The following ATP5MC1 variants were observed in gnomAD, a reference collection of about 807,000 sequenced individuals.
The protein encoded by ATP5MC1 is ATP synthase F(0) complex subunit C1, mitochondrial.
A neutral mutation model predicts 12.1 loss-of-function variants in ATP5MC1; 4 were observed. The ratio of observed to expected loss-of-function variants is 0.33; its 90% CI spans 0.16 to 0.76. The LOEUF is 0.76. ATP5MC1 is among the 30% of genes least tolerant of loss of function. The pLI is 0.61. For missense variants in ATP5MC1, 117 were observed against 172.1 expected, an observed-to-expected ratio of 0.68 and a Z score of 1.79; for synonymous variants, 52 against 66.0, an observed-to-expected ratio of 0.79 and a Z score of 1.03.
chr17:48,894,987 C>T (rs2040558567), intron 3 of ATP5MC1, 169 bp from the exon 4 acceptor site: 1 of 811,892 alleles, frequency 1.2e-6, no homozygotes, highest in South Asian at 1.5e-5. Flanking sequence ...ACAACAGACT[C>T]TAAGACTAAT....
At chr17:48,894,261 AT>A in intron 2 of ATP5MC1, 110 bp from the exon 3 acceptor site, 1 of 1,048,966 alleles carries the variant, frequency 9.5e-7, no homozygotes, top group African/African-American at 1.6e-5. Context: ...TGACCTTGAA[AT>A]ACATTGAACT....
chr17:48,895,099 C>T (rs2040559396), intron 3 of ATP5MC1, 57 bp from the exon 4 acceptor site: 1 of 1,565,300 alleles, frequency 6.4e-7, no homozygotes, highest in African/African-American at 1.4e-5. Context: ...AGTCAGCCAC[C>T]TGTCCTTATG....
chr17:48,893,611 G>A, intron 2 of ATP5MC1, 155 bp downstream of exon 2: 2 of 842,964 alleles, frequency 2.4e-6, no homozygotes, highest in South Asian at 3.0e-5. Flanking sequence ...TGTTTATCTG[G>A]GCCTGTGAAC....
intron 2 of ATP5MC1, 59 bp downstream of exon 2, chr17:48,893,515 TG>T (rs767875131): frequency 9.4e-6 from 15 of 1,593,040 alleles, no homozygotes; most frequent in Non-Finnish European, 1.3e-5. Context: ...ACGCCATCAG[TG>T]TTTAATGAAT....
intron 4 of ATP5MC1, 44 bp downstream of exon 4, chr17:48,895,378 C>G (rs763405535): frequency 1.3e-6 from 2 of 1,544,540 alleles, no homozygotes; most frequent in South Asian, 1.2e-5. Flanking sequence ...TAAATTCCAC[C>G]CCGTTTGGGG....
chr17:48,895,661 GTC>G lies in ATP5MC1; in HGVS notation c.308_309del (p.Leu103GlnfsTer16). 3 of 1,613,486 alleles carry G rather than the reference GTC, an allele frequency of 1.9e-6. No homozygotes were observed. Among genetic ancestry groups the G allele is most frequent in the African/African-American group, 2.7e-5 (2 of 74,880 alleles). The part of the protein sequence containing the change: ...SLIIGYARNP[S>X]LKQQLFSYAI... ...TGATCTCTGTCCCTCCCAGGAACCC[GTC>G]TCTCAAGCAGCAGCTCTTCTCCTAT... On this transcript the variant is annotated frameshift_variant, in exon 5 of 5. Coordinates refer to ENST00000393366, the MANE Select transcript of ATP5MC1 (RefSeq NM_005175.3). LOFTEE classifies it high-confidence loss of function.
chr17:48,894,896 A>G (rs756822661), intron 3 of ATP5MC1: 2 of 624,210 alleles, frequency 3.2e-6, no homozygotes, highest in South Asian at 3.0e-5. Context: ...AAGTCCCCCA[A>G]GGTAAGCCTT....
At position 48,895,338 on chromosome 17, in the gene ATP5MC1, A is replaced by T. The variant is rs772654294; in HGVS notation, c.296+4A>T. ...GCTTGATCATTGGCTATGCCAGGTA[A>T]GTTTGGGTGGTCTACAGCATCTCCC... On this transcript the variant is annotated splice_donor_region_variant and intron_variant, in intron 4 of 4. Coordinates refer to ENST00000393366, the MANE Select transcript of ATP5MC1 (RefSeq NM_005175.3). 6.3e-7 allele frequency: 1 copy of T among 1,583,176 alleles called. No individual in the cohort carries two copies. Among genetic ancestry groups the T allele is most frequent in the South Asian group, 1.1e-5 (1 of 88,604 alleles).
In ATP5MC1 at chr17:48,895,790, G is replaced by A. The variant is rs746710443; in HGVS notation, c.*21G>A. 5.6e-6 allele frequency: 9 copies of A among 1,594,236 alleles called. No homozygotes were observed. The highest frequency in any genetic ancestry group is 2.2e-5 in the South Asian group (2 of 90,728). On this transcript the variant is annotated 3_prime_UTR_variant, in exon 5 of 5. Transcript: ENST00000393366. ...TGTGAGGCTCCATGGGGGGGTCACC[G>A]GCCTGTTGCTACTGCAACTCCACAC...
At position 48,894,641 on chromosome 17, in the gene ATP5MC1, G is replaced by A. The variant is rs1293121040; in HGVS notation, c.117+192G>A. 10 of 554,046 alleles carry A rather than the reference G, an allele frequency of 1.8e-5. No individual in the cohort carries two copies. In the East Asian group the frequency reaches 3.0e-4, roughly 17 times the overall value. The allele number at this position is 554,046 out of a possible 1,614,324, so 34.3% of individuals were successfully genotyped here. A position where few individuals can be genotyped will look rare whatever the true frequency, so the allele number is the denominator to read the frequency against. On this transcript the variant is annotated intron_variant, in intron 3 of 4. Coordinates refer to ENST00000393366, the MANE Select transcript of ATP5MC1 (RefSeq NM_005175.3). ...AAAAATTAGCCATGTGTGGTGGCAT[G>A]TGGCTGTAGTCCCAGTTACTCCAGG... is the stretch of plus-strand genomic sequence containing the variant.
Position 48,895,457 on chromosome 17 carries a change from G to A in ATP5MC1, c.296+123G>A. The A allele has an allele frequency of 5.7e-6, 8 of 1,415,754 alleles. 1 individual carries two copies. The South Asian group carries it at 8.3e-5, about 15-fold the overall frequency. 87.7% of individuals were successfully genotyped at this position (1,415,754 alleles called of 1,614,324 possible). Reference sequence around the variant, plus strand: ...TTTCATCTACATCATAGTTTCTCCAGAGAAAACATGCATCCAGCCTGGCTC... The same window carrying A: ...TTTCATCTACATCATAGTTTCTCCAAAGAAAACATGCATCCAGCCTGGCTC... On this transcript the variant is annotated intron_variant, in intron 4 of 4. Coordinates refer to ENST00000393366, the MANE Select transcript of ATP5MC1 (RefSeq NM_005175.3).
chr17:48,895,446 T>C (rs1267422628), intron 4 of ATP5MC1, 112 bp downstream of exon 4: 6 of 1,449,556 alleles, frequency 4.1e-6, no homozygotes, highest in South Asian at 1.4e-5. Flanking sequence ...ATCTACATCA[T>C]AGTTTCTCCA....
rs892431434 is a variant in ATP5MC1 at position 48,893,736 on chromosome 17, C to G, written c.39+280C>G. On this transcript the variant is annotated intron_variant, in intron 2 of 4. Coordinates refer to ENST00000393366, the MANE Select transcript of ATP5MC1 (RefSeq NM_005175.3). ...ACAGTGGTTTTCAACAGTGGCTGCA[C>G]GTTAGAATCATCCAGGGAACTTTTT... 4 of 517,692 alleles carry G rather than the reference C, an allele frequency of 7.7e-6. No individual in the cohort carries two copies. The Admixed American group carries it at 1.0e-4, about 13-fold the overall frequency. The allele number at this position is 517,692 out of a possible 1,614,324, so 32.1% of individuals were successfully genotyped here. A position where few individuals can be genotyped will look rare whatever the true frequency, so the allele number is the denominator to read the frequency against.
Position 48,895,152 on chromosome 17 carries a change from C to G in ATP5MC1, c.118-4C>G, listed in dbSNP as rs1265751013. 6.3e-7 allele frequency: 1 copy of G among 1,599,338 alleles called. No individual in the cohort carries two copies. Among genetic ancestry groups the G allele is most frequent in the East Asian group, 2.2e-5 (1 of 44,498 alleles). ...TATCTCGCCTGCCTTGCTTCTCTTT[C>G]TAGCCTTCCTACAGCAACTTCCCAC... is the stretch of plus-strand genomic sequence containing the variant. On this transcript the variant is annotated splice_region_variant and splice_polypyrimidine_tract_variant and intron_variant, in intron 3 of 4. Transcript: ENST00000393366.
chr17:48,895,660 C>G lies in ATP5MC1; in HGVS notation c.302C>G (p.Pro101Arg). ...GSLIIGYARN[P>R]SLKQQLFSYA... is the part of the protein sequence containing the mutation. ...ATGATCTCTGTCCCTCCCAGGAACC[C>G]GTCTCTCAAGCAGCAGCTCTTCTCC... Residue 101 changes from proline (P) to arginine (R), a missense_variant, in exon 5 of 5, where the codon CCG (proline) becomes CGG (arginine). By Grantham distance (103) the Pro-to-Arg change is moderately radical. Coordinates refer to ENST00000393366, the MANE Select transcript of ATP5MC1 (RefSeq NM_005175.3). The G allele has an allele frequency of 6.2e-7, 1 of 1,613,796 alleles. No homozygotes were observed. Among genetic ancestry groups the G allele is most frequent in the Middle Eastern group, 1.7e-4 (1 of 6,056 alleles).
At chr17:48,894,977 A>G in intron 3 of ATP5MC1, 179 bp from the exon 4 acceptor site, 1 of 774,322 alleles carries the variant, frequency 1.3e-6, no homozygotes, top group Non-Finnish European at 2.2e-6. Context: ...CTGCTGTCTG[A>G]CAACAGACTC....
At chr17:48,895,114 ACTAT>A (rs757465485) in intron 3 of ATP5MC1, 38 bp from the exon 4 acceptor site, 3 of 1,523,942 alleles carry the variant, frequency 2.0e-6, no homozygotes, top group Non-Finnish European at 2.7e-6. Flanking sequence ...CTTATGCCAT[ACTAT>A]CTCTCTGCTA....
intron 1 of ATP5MC1, 124 bp from the exon 2 acceptor site, chr17:48,893,285 T>C: frequency 1.0e-6 from 1 of 969,036 alleles, no homozygotes; most frequent in South Asian, 1.6e-5. Context: ...TGGGGCACGG[T>C]GCAAGGAAGA....
chr17:48,894,442 C>A lies in ATP5MC1; in HGVS notation c.110C>A (p.Ser37Tyr). ...ASFLNSPVNS[S>Y]KQPSYSNFPL... is the part of the protein sequence containing the mutation. ...TTCTTGAATAGCCCAGTGAATTCAT[C>A]TAAACAGGTAAGGGAGGAATAGCTC... is the stretch of plus-strand genomic sequence containing the variant. The change falls in exon 3 of 5, where the codon TCT becomes TAT. Residue 37 changes from serine (S) to tyrosine (Y), a missense_variant. Coordinates refer to ENST00000393366, the MANE Select transcript of ATP5MC1 (RefSeq NM_005175.3). 1.2e-6 allele frequency: 2 copies of A among 1,612,992 alleles called. No homozygotes were observed. Among genetic ancestry groups the A allele is most frequent in the Non-Finnish European group, 1.7e-6 (2 of 1,179,762 alleles).
Sources: gnomAD v4.1 joint callset for allele counts on GRCh38, gnomAD v4.1.1 for gene constraint, MANE v1.5 for transcripts, NCBI Gene and HGNC (gene_info 2026-07-23, HGNC 2026-07-21) for gene names.